DST: variants seen among roughly 807,000 people sequenced by gnomAD.
DST encodes the protein bullous pemphigoid antigen.
A neutral mutation model predicts 875.2 loss-of-function variants in DST; 253 were observed. The ratio of observed to expected loss-of-function variants is 0.29; its 90% CI spans 0.26 to 0.32. DST has a LOEUF of 0.32. Among genes scored for constraint, DST ranks in the 10% least tolerant of loss-of-function variants. The pLI is 1.00. For synonymous variants in DST, 3,124 were observed against 3,197.1 expected, an observed-to-expected ratio of 0.98 and a Z score of 0.77; for missense variants, 8,287 against 9,111.6, an observed-to-expected ratio of 0.91 and a Z score of 3.68.
At chr6:56,918,372 CCA>C (rs1257658166) in intron 2 of DST, among the ~76,000 whole-genome samples, 1 of 152,106 alleles carries the variant, frequency 6.6e-6, no homozygotes, top group African/African-American at 2.4e-5. Flanking sequence ...AGAGATCCAC[CCA>C]CCTCAGCCTC....
At chr6:56,610,669 T>C in intron 38 of DST, 107 bp from the exon 39 acceptor site, 1 of 864,644 alleles carries the variant, frequency 1.2e-6, no homozygotes, top group South Asian at 1.9e-5. Context: ...AAATATAGCC[T>C]CACATACATA....
At chr6:56,660,088 G>A (rs2099031042) in intron 10 of DST, among the ~76,000 whole-genome samples, 1 of 152,204 alleles carries the variant, frequency 6.6e-6, no homozygotes, top group Admixed American at 6.5e-5. Flanking sequence ...AGGAGGTGCT[G>A]TGAGGAAGAG....
rs780633650 is a variant in DST at position 56,526,417 on chromosome 6, C to T, written c.18073G>A (p.Asp6025Asn). 5.6e-6 allele frequency: 9 copies of T among 1,613,662 alleles called. No individual in the cohort carries two copies. The highest frequency in any genetic ancestry group is 2.2e-5 in the South Asian group (2 of 91,086). The change falls in exon 69 of 104, where the codon GAC becomes AAC. Residue 6025 changes from aspartate (D) to asparagine (N), a missense_variant. Transcript: ENST00000680361. ...TCCTCCACCTTCTGAGTGATGGTGT[C>T]GCTCACTAATCGGTAGCGCTCATTG... ...EDNERYRLVS[D>N]TITQKVEEID...
At chr6:56,869,229 C>A (rs1023230693) in intron 3 of DST, among the ~76,000 whole-genome samples, 1 of 152,144 alleles carries the variant, frequency 6.6e-6, no homozygotes, top group Non-Finnish European at 1.5e-5. Context: ...GACTTCCTAA[C>A]AAACCTTCCT....
chr6:56,885,838 G>A (rs976138314), intron 3 of DST, among the ~76,000 whole-genome samples: 2 of 152,146 alleles, frequency 1.3e-5, no homozygotes, highest in African/African-American at 4.8e-5. Context: ...CCCAGTCTCA[G>A]GTATTCTCTT....
Position 56,634,593 on chromosome 6 carries a change from T to C in DST, c.3363A>G (p.Glu1121=), listed in dbSNP as rs2098809667. ...QIEITIYKDD[E]CVLANNSHRA... is the part of the protein sequence containing the mutation. Reference sequence around the variant, plus strand: ...GATGAGAGTTATTCGCCAAAACACATTCATCGTCTTTGTAAATGGTTATCT... The same window carrying C: ...GATGAGAGTTATTCGCCAAAACACACTCATCGTCTTTGTAAATGGTTATCT... Residue 1121 remains glutamate (E), a synonymous_variant, in exon 26 of 104, where the codon GAA becomes GAG. Transcript: ENST00000680361. 1 of 1,614,128 alleles carries C rather than the reference T, an allele frequency of 6.2e-7. No homozygotes were observed. The highest frequency in any genetic ancestry group is 2.2e-5 in the East Asian group (1 of 44,880).
Position 56,555,754 on chromosome 6 carries a change from T to C in DST, c.14727A>G (p.Glu4909=). The part of the protein sequence containing the change: ...AGQGILSRPG[E]DPSLRGIVKE... ...TCACAATCCCACGTAAAGAAGGGTC[T>C]TCTCCAGGCCTGCTCAGAATGCCCT... Residue 4909 remains glutamate, a synonymous_variant, in exon 60 of 104, where the codon GAA becomes GAG. Transcript: ENST00000680361. 6.2e-7 allele frequency: 1 copy of C among 1,602,946 alleles called. No homozygotes were observed. The highest frequency in any genetic ancestry group is 8.5e-7 in the Non-Finnish European group (1 of 1,171,510).
intron 9 of DST, among the ~76,000 whole-genome samples, chr6:56,687,487 TATA>T (rs1411339808): frequency 6.6e-6 from 1 of 152,120 alleles, no homozygotes; most frequent in Admixed American, 6.6e-5. Context: ...GTAAAATGAG[TATA>T]ATAATAGAAC....
At chr6:56,884,592 T>A (rs1592069574) in intron 3 of DST, among the ~76,000 whole-genome samples, 1 of 152,172 alleles carries the variant, frequency 6.6e-6, no homozygotes, top group East Asian at 1.9e-4. Flanking sequence ...GCTTGCAAGG[T>A]GGTAAAATTG....
chr6:56,569,334 A>C (rs942185877), intron 54 of DST, among the ~76,000 whole-genome samples: 1 of 146,334 alleles, frequency 6.8e-6, no homozygotes, highest in Non-Finnish European at 1.5e-5. Context: ...CGAAAAAAAA[A>C]AAAAACAAAA....
chr6:56,806,136 ACATCT>A (rs2099752703), intron 4 of DST, among the ~76,000 whole-genome samples: 1 of 152,220 alleles, frequency 6.6e-6, no homozygotes, highest in Admixed American at 6.5e-5. Flanking sequence ...AATTATTTTC[ACATCT>A]CATCTTCTAA....
At chr6:56,625,924 T>A (rs1348463331) in intron 34 of DST, among the ~76,000 whole-genome samples, 1 of 149,086 alleles carries the variant, frequency 6.7e-6, no homozygotes. Flanking sequence ...TAGGCCTAAG[T>A]TAATGTGTAT....
At chr6:56,593,060 T>G (rs1287226333) in intron 48 of DST, among the ~76,000 whole-genome samples, 3 of 152,290 alleles carry the variant, frequency 2.0e-5, no homozygotes, top group African/African-American at 7.2e-5. Context: ...GCTGCAAGCA[T>G]CTGTTTTTGC....
At chr6:56,744,136 T>A (rs1389839327) in intron 4 of DST, among the ~76,000 whole-genome samples, 4 of 139,380 alleles carry the variant, frequency 2.9e-5, no homozygotes, top group Admixed American at 1.5e-4. Flanking sequence ...GCGACAAGAG[T>A]GAAACTCTGT....
intron 85 of DST, among the ~76,000 whole-genome samples, chr6:56,490,300 T>G (rs1206175428): frequency 6.6e-6 from 1 of 152,124 alleles, no homozygotes; most frequent in African/African-American, 2.4e-5. Flanking sequence ...CTATATATAT[T>G]TGATTTTGAG....
chr6:56,641,061 GA>G, intron 17 of DST, among the ~76,000 whole-genome samples: 1 of 151,384 alleles, frequency 6.6e-6, no homozygotes, highest in Non-Finnish European at 1.5e-5. Flanking sequence ...TCCTAAAGGT[GA>G]AATTACTGAG....
At chr6:56,576,940 C>T (rs1405386804) in intron 50 of DST, among the ~76,000 whole-genome samples, 1 of 152,048 alleles carries the variant, frequency 6.6e-6, no homozygotes, top group Non-Finnish European at 1.5e-5. Context: ...GTGGGCTAAA[C>T]GAAGACACTG....
rs370678197 is a variant in DST at position 56,642,488 on chromosome 6, T to C, written c.1794A>G (p.Gln598=). The C allele has an allele frequency of 9.7e-5, 157 of 1,613,426 alleles. No homozygotes were observed. The highest frequency in any genetic ancestry group is 1.2e-4 in the Non-Finnish European group (146 of 1,179,452). ...RPEVERLEML[Q]QIANRVQRDS... ...CCCTCTGAACTCTGTTGGCAATCTGTTGCAACATTTCTAACCTAAAAGATG... is the reference window on the plus strand; with the variant it reads ...CCCTCTGAACTCTGTTGGCAATCTGCTGCAACATTTCTAACCTAAAAGATG... The change falls in exon 16 of 104, where the codon CAA becomes CAG. Residue 598 remains glutamine (Q), a synonymous_variant. Coordinates refer to ENST00000680361, the MANE Select transcript of DST (RefSeq NM_001374736.1).
intron 98 of DST, 82 bp downstream of exon 98, chr6:56,468,900 G>T: frequency 1.7e-6 from 2 of 1,145,904 alleles, no homozygotes; most frequent in African/African-American, 1.6e-5. Context: ...GGAAAGATTG[G>T]CCATGGCAAG....
Sources: gnomAD v4.1 joint callset for allele counts (sites outside exome capture counted in the v4.1 genomes callset) on GRCh38, gnomAD v4.1.1 for gene constraint, MANE v1.5 for transcripts, NCBI Gene and HGNC (gene_info 2026-07-23, HGNC 2026-07-21) for gene names.